The following ZNF316 variants were observed in gnomAD, a reference collection of about 807,000 sequenced individuals.
ZNF316 encodes the protein zinc finger protein 316.
A neutral mutation model predicts 75.6 loss-of-function variants in ZNF316; 23 were observed. That is an observed-to-expected ratio of 0.30 (90% CI 0.22 to 0.43). The LOEUF (loss-of-function observed/expected upper bound fraction) is 0.43. ZNF316 is among the 20% of genes least tolerant of loss of function. ZNF316 has a pLI of 1.00. For synonymous variants in ZNF316, 827 were observed against 666.2 expected, an observed-to-expected ratio of 1.24 and a Z score of -3.72; for missense variants, 1,266 against 1,409.4, an observed-to-expected ratio of 0.90 and a Z score of 1.63.
At chr7:6,638,782 G>T (rs192985525) in intron 2 of ZNF316, among the ~76,000 whole-genome samples, 20 of 152,302 alleles carry the variant, frequency 1.3e-4, no homozygotes, top group East Asian at 1.9e-4. Context: ...GTGGCCTCTG[G>T]TTTGGGATTG....
In ZNF316 at chr7:6,654,017, G is replaced by A. The variant is rs1400434419; in HGVS notation, c.2421G>A (p.Glu807=). The A allele has an allele frequency of 8.4e-7, 1 of 1,190,642 alleles. No individual in the cohort carries two copies. The highest frequency in any genetic ancestry group is 1.0e-6 in the Non-Finnish European group (1 of 961,870). The allele number at this position is 1,190,642 out of a possible 1,614,324, so 73.8% of individuals were successfully genotyped here. A position where few individuals can be genotyped will look rare whatever the true frequency, so the allele number is the denominator to read the frequency against. The change falls in exon 9 of 9, where the codon GAG becomes GAA. Residue 807 remains glutamate (E), a synonymous_variant. Coordinates refer to ENST00000382252, the MANE Select transcript of ZNF316 (RefSeq NM_001278559.2). ...GGGAGCGGCCTTACGCGTGTGGAGA[G>A]TGCGGCCGGCGCTTCGGGCAGAGCG... ...HTGERPYACG[E]CGRRFGQSAA...
chr7:6,657,047 T>G lies in ZNF316; in HGVS notation c.*2436T>G, dbSNP rs1220797980. On this transcript the variant is annotated 3_prime_UTR_variant, in exon 9 of 9. Transcript: ENST00000382252. ...GCTTCTTTTCTTGCCCAGGCTGGAG[T>G]GCAGGGCGTGATCTCGGCTCACTGC... Among the ~76,000 whole-genome samples the G allele has an allele frequency of 6.6e-6, 1 of 152,052 alleles. No homozygotes were observed. The highest frequency in any genetic ancestry group is 1.9e-4 in the East Asian group (1 of 5,172).
Position 6,640,887 on chromosome 7 carries a change from G to C in ZNF316, c.-166-938G>C, listed in dbSNP as rs1410742685. 6.6e-6 allele frequency among the ~76,000 whole-genome samples: 1 copy of C among 152,186 alleles called. No homozygotes were observed. Among genetic ancestry groups the C allele is most frequent in the East Asian group, 1.9e-4 (1 of 5,188 alleles). ...TTGCTGCCCCTTTGCCTCCCTCCAC[G>C]AGTGGAAGCTTCCTGAGGCCCTCCC... On this transcript the variant is annotated intron_variant, in intron 3 of 8. Transcript: ENST00000382252. This position sits in a 1 kb window ranked among gnomAD's most constrained non-coding sequence, Gnocchi z 5.1.
At chr7:6,649,372 G>C (rs1241679997) in intron 8 of ZNF316, among the ~76,000 whole-genome samples, 1 of 152,170 alleles carries the variant, frequency 6.6e-6, no homozygotes, top group African/African-American at 2.4e-5. Flanking sequence ...CATGGTTCCT[G>C]CCCCAGTGCC....
rs1779599139 is a variant in ZNF316 at position 6,655,213 on chromosome 7, G to T, written c.*602G>T. 1 of 152,276 alleles carries T rather than the reference G, an allele frequency of 6.6e-6. No individual in the cohort carries two copies. Among genetic ancestry groups the T allele is most frequent in the Admixed American group, 6.5e-5 (1 of 15,282 alleles). The allele number at this position is 152,276 out of a possible 1,614,324, so 9.4% of individuals were successfully genotyped here. On this transcript the variant is annotated 3_prime_UTR_variant, in exon 9 of 9. Coordinates refer to ENST00000382252, the MANE Select transcript of ZNF316 (RefSeq NM_001278559.2). ...GAAAACTTGAAACTTGTCGTCTGCG[G>T]ATATTTATTTCCACTTCTTGTATGG...
chr7:6,651,234 CCA>C (rs1779501920), intron 8 of ZNF316, among the ~76,000 whole-genome samples: 2 of 152,124 alleles, frequency 1.3e-5, no homozygotes, highest in African/African-American at 4.8e-5. Context: ...GCCTGTAACT[CCA>C]GTTACTCGGG....
intron 8 of ZNF316, among the ~76,000 whole-genome samples, chr7:6,645,963 C>G (rs1376373821): frequency 7.1e-6 from 1 of 141,120 alleles, no homozygotes; most frequent in Admixed American, 7.6e-5. Flanking sequence ...CACTGCATTG[C>G]AGCCTGGGTG....
intron 7 of ZNF316, 64 bp from the exon 8 acceptor site, chr7:6,644,416 C>A: frequency 1.1e-6 from 1 of 894,434 alleles, no homozygotes; most frequent in Non-Finnish European, 1.5e-6. Context: ...TGGCACAGCA[C>A]GGGCTGCAGG....
At chr7:6,647,980 G>T (rs2115314971) in intron 8 of ZNF316, among the ~76,000 whole-genome samples, 1 of 152,354 alleles carries the variant, frequency 6.6e-6, no homozygotes, top group African/African-American at 2.4e-5. Context: ...TCTGGGGGCT[G>T]TGCTGCTGGG....
chr7:6,645,796 C>A lies in ZNF316; in HGVS notation c.706+1203C>A, dbSNP rs1293306315. Among the ~76,000 whole-genome samples the A allele has an allele frequency of 2.0e-5, 3 of 151,154 alleles. No individual in the cohort carries two copies. The East Asian group carries it at 5.8e-4, about 29-fold the overall frequency. ...AGATCACGAGGTCAGGAGTTCAAGA[C>A]CAGTCTAGGCAATATGGTGAAACCC... On this transcript the variant is annotated intron_variant, in intron 8 of 8. Transcript: ENST00000382252.
chr7:6,653,410 A>T lies in ZNF316; in HGVS notation c.1814A>T (p.Lys605Met), dbSNP rs1779552307. 2 of 1,227,670 alleles carry T rather than the reference A, an allele frequency of 1.6e-6. No individual in the cohort carries two copies. Among genetic ancestry groups the T allele is most frequent in the East Asian group, 6.3e-5 (2 of 31,520 alleles). The allele number at this position is 1,227,670 out of a possible 1,614,324, so 76.0% of individuals were successfully genotyped here. The change falls in exon 9 of 9, where the codon AAG becomes ATG. Residue 605 changes from lysine to methionine, a missense_variant. By Grantham distance (95) the Lys-to-Met change is moderately conservative (BLOSUM62 -1). Coordinates refer to ENST00000382252, the MANE Select transcript of ZNF316 (RefSeq NM_001278559.2). Reference protein sequence around the residue: ...PLGFHFPVHPKSWLHPDSFPI... With the variant: ...PLGFHFPVHPMSWLHPDSFPI... The stretch of plus-strand genomic sequence containing the variant: ...GGCTTCCACTTCCCCGTGCACCCCA[A>T]GTCCTGGCTGCACCCGGACAGCTTC...
rs1779279059 is a variant in ZNF316 at position 6,639,692 on chromosome 7, G to C, written c.-167+551G>C. ...GCCAGGCAGGAGACAGCTCTACTGA[G>C]CTTGGCATGGCACCTAGGCCCAGCC... is the stretch of plus-strand genomic sequence containing the variant. On this transcript the variant is annotated intron_variant, in intron 3 of 8. Coordinates refer to ENST00000382252, the MANE Select transcript of ZNF316 (RefSeq NM_001278559.2). The surrounding 1 kb of genome is among the most constrained non-coding windows in gnomAD (Gnocchi z 4.2). Among the ~76,000 whole-genome samples the C allele has an allele frequency of 6.6e-6, 1 of 152,224 alleles. No homozygotes were observed. Among genetic ancestry groups the C allele is most frequent in the African/African-American group, 2.4e-5 (1 of 41,456 alleles).
chr7:6,653,710 C>A lies in ZNF316; in HGVS notation c.2114C>A (p.Ala705Glu). ...GGCAAGACGTTTGGGCGCCGGGCCG[C>A]GCTGGCCAAGCACCAGCGCTACCAC... ...DCGKTFGRRA[A>E]LAKHQRYHAG... Residue 705 changes from alanine (A) to glutamate (E), a missense_variant, in exon 9 of 9, where the codon GCG becomes GAG. Physicochemically the swap from Ala to Glu is moderately radical, Grantham distance 107. Around this residue, in one of 3 missense-constraint regions of ZNF316, gnomAD observed 961 missense variants for 990.9 expected, o/e 0.97. Coordinates refer to ENST00000382252, the MANE Select transcript of ZNF316 (RefSeq NM_001278559.2). 9.1e-7 allele frequency: 1 copy of A among 1,097,412 alleles called. No individual in the cohort carries two copies. Among genetic ancestry groups the A allele is most frequent in the Non-Finnish European group, 1.1e-6 (1 of 900,284 alleles). 68.0% of individuals were successfully genotyped at this position (1,097,412 alleles called of 1,614,324 possible).
intron 8 of ZNF316, among the ~76,000 whole-genome samples, chr7:6,645,194 T>C (rs912697507): frequency 3.3e-5 from 5 of 152,148 alleles, no homozygotes; most frequent in South Asian, 2.1e-4. Flanking sequence ...TCTGAAGAAA[T>C]TGAACTCAAC....
Position 6,637,955 on chromosome 7 carries a change from C to T in ZNF316, c.-321C>T, listed in dbSNP as rs1046461562. ...CTTGGGGGCCTTATCCGGGCTTTCC[C>T]TCATCTGCAGAAGGAGCCCCGGTGG... On this transcript the variant is annotated 5_prime_UTR_variant, in exon 2 of 9. Coordinates refer to ENST00000382252, the MANE Select transcript of ZNF316 (RefSeq NM_001278559.2). The surrounding 1 kb of genome is among the most constrained non-coding windows in gnomAD (Gnocchi z 6.2). 1 of 152,252 alleles carries T rather than the reference C, an allele frequency of 6.6e-6. No homozygotes were observed. Among genetic ancestry groups the T allele is most frequent in the South Asian group, 2.1e-4 (1 of 4,834 alleles). 9.4% of individuals were successfully genotyped at this position (152,252 alleles called of 1,614,324 possible). A position where few individuals can be genotyped will look rare whatever the true frequency, so the allele number is the denominator to read the frequency against.
intron 8 of ZNF316, among the ~76,000 whole-genome samples, chr7:6,650,330 G>A (rs979364885): frequency 6.6e-6 from 1 of 152,236 alleles, no homozygotes; most frequent in African/African-American, 2.4e-5. Context: ...GTGGCAGTTC[G>A]AGGTAGACTC....
Position 6,642,934 on chromosome 7 carries a change from C to A in ZNF316, c.356-30C>A. On this transcript the variant is annotated intron_variant, in intron 5 of 8. Transcript: ENST00000382252. This position sits in a 1 kb window ranked among gnomAD's most constrained non-coding sequence, Gnocchi z 8.1. Reference sequence around the variant, plus strand: ...GGCCCTGCAGGCTGGGGGCTCAGGGCAGCTGGCCCTAAGAGATCTCTCCCC... The same window carrying A: ...GGCCCTGCAGGCTGGGGGCTCAGGGAAGCTGGCCCTAAGAGATCTCTCCCC... 8.1e-7 allele frequency: 1 copy of A among 1,232,192 alleles called. No homozygotes were observed. The highest frequency in any genetic ancestry group is 1.0e-6 in the Non-Finnish European group (1 of 988,176). The allele number at this position is 1,232,192 out of a possible 1,614,324, so 76.3% of individuals were successfully genotyped here. A position where few individuals can be genotyped will look rare whatever the true frequency, so the allele number is the denominator to read the frequency against.
Position 6,653,558 on chromosome 7 carries a change from C to CGGCGGCGGGGCCGCG in ZNF316, c.1971_1985dup (p.Ala658_Gly662dup), listed in dbSNP as rs1179992655. The CGGCGGCGGGGCCGCG allele has an allele frequency of 3.4e-6, 4 of 1,169,070 alleles. No individual in the cohort carries two copies. Among genetic ancestry groups the CGGCGGCGGGGCCGCG allele is most frequent in the East Asian group, 3.8e-5 (1 of 26,438 alleles). The allele number at this position is 1,169,070 out of a possible 1,614,324, so 72.4% of individuals were successfully genotyped here. A position where few individuals can be genotyped will look rare whatever the true frequency, so the allele number is the denominator to read the frequency against. On this transcript the variant is annotated inframe_insertion, in exon 9 of 9. Coordinates refer to ENST00000382252, the MANE Select transcript of ZNF316 (RefSeq NM_001278559.2). ...CCGGGCTGGCGTGCGACCCTTTCGGCGGCGGCGGGGCCGCGGGCGGCGGAG... is the reference window on the plus strand; with the variant it reads ...CCGGGCTGGCGTGCGACCCTTTCGGCGGCGGCGGGGCCGCGGGCGGCGGGGCCGCGGGCGGCGGAG...
In ZNF316 at chr7:6,654,247, A is replaced by T. The variant is rs1244257608; in HGVS notation, c.2651A>T (p.Glu884Val). The change falls in exon 9 of 9, where the codon GAA becomes GTA. Residue 884 changes from glutamate to valine, a missense_variant. Glu to Val is a moderately radical substitution (Grantham distance 121, BLOSUM62 -2). Transcript: ENST00000382252. ...LAKHRRGHTG[E>V]RPFPCPECGK... ...AAGCACCGGCGCGGCCACACGGGCG[A>T]ACGCCCCTTCCCGTGCCCTGAGTGC... 8.2e-7 allele frequency: 1 copy of T among 1,222,632 alleles called. No individual in the cohort carries two copies. The highest frequency in any genetic ancestry group is 1.0e-6 in the Non-Finnish European group (1 of 981,770). The allele number at this position is 1,222,632 out of a possible 1,614,324, so 75.7% of individuals were successfully genotyped here.
Sources: gnomAD v4.1 joint callset for allele counts (sites outside exome capture counted in the v4.1 genomes callset) on GRCh38, gnomAD v4.1.1 for gene constraint, gnomAD v4.1.1 regional missense constraint, Gnocchi (gnomAD v3.1) non-coding constraint, MANE v1.5 for transcripts, NCBI Gene and HGNC (gene_info 2026-07-23, HGNC 2026-07-21) for gene names.